The following LHCGR variants were observed in gnomAD, a reference collection of about 807,000 sequenced individuals.
The protein encoded by LHCGR is lutropin-choriogonadotropic hormone receptor.
A neutral mutation model predicts 60.7 loss-of-function variants in LHCGR; 55 were observed. That is an observed-to-expected ratio of 0.91 (90% CI 0.73 to 1.13). The LOEUF (loss-of-function observed/expected upper bound fraction) is 1.13. Ranked by LOEUF, LHCGR falls within the 50% of genes most tolerant of loss-of-function variation. LHCGR has a pLI of 0.00. For synonymous variants in LHCGR, 337 were observed against 316.5 expected (o/e 1.06, Z -0.69); for missense variants, 862 against 836.0 (o/e 1.03, Z -0.38).
At chr2:48,733,045 AAC>A (rs916211739) in intron 1 of LHCGR, 18 of 516,082 alleles carry the variant, frequency 3.5e-5, no homozygotes, top group Non-Finnish European at 6.4e-5. Flanking sequence ...CCTGATTAAA[AAC>A]ACAGTTTTAT....
At chr2:48,700,296 C>A (rs1410860886) in intron 8 of LHCGR, among the ~76,000 whole-genome samples, 1 of 152,124 alleles carries the variant, frequency 6.6e-6, no homozygotes, top group African/African-American at 2.4e-5. Context: ...AGGCAGTGAA[C>A]CTCTGATAGT....
In LHCGR at chr2:48,749,736, A is replaced by G. The variant is rs549924505; in HGVS notation, c.161+5775T>C. ...TTTTGAAATTAAAAAAAAAAAAAAA[A>G]AAGAAGAAAAACCCAAGGAATTACT... On this transcript the variant is annotated intron_variant, in intron 1 of 10. Transcript: ENST00000294954. Among the ~76,000 whole-genome samples the G allele has an allele frequency of 3.9e-4, 59 of 151,652 alleles. No homozygotes were observed. The East Asian group carries it at 5.6e-3, about 14-fold the overall frequency.
In LHCGR at chr2:48,688,115, G is replaced by A; in HGVS notation, c.1682C>T (p.Thr561Ile). The A allele has an allele frequency of 1.2e-6, 2 of 1,614,110 alleles. No homozygotes were observed. The highest frequency in any genetic ancestry group is 1.1e-5 in the South Asian group (1 of 91,082). The change falls in exon 11 of 11, where the codon ACC (threonine) becomes ATC (isoleucine). Residue 561 changes from threonine (T) to isoleucine (I), a missense_variant. Transcript: ENST00000294954. The surrounding 1 kb of genome is among the most constrained non-coding windows in gnomAD (Gnocchi z 5.2). ...CTTAGCAATCTTTGTATCTTTATTG[G>A]TAGCCATTAATTCTGGGTTTCGAAC... is the stretch of plus-strand genomic sequence containing the variant. ...FAVRNPELMA[T>I]NKDTKIAKKM...
chr2:48,690,352 T>C (rs1311705339), intron 10 of LHCGR, among the ~76,000 whole-genome samples: 1 of 152,232 alleles, frequency 6.6e-6, no homozygotes, highest in African/African-American at 2.4e-5. Context: ...TCGTACAGGC[T>C]GTGTAATCCC....
At chr2:48,711,043 A>G (rs1459281590) in intron 7 of LHCGR, among the ~76,000 whole-genome samples, 3 of 151,962 alleles carry the variant, frequency 2.0e-5, no homozygotes, top group East Asian at 1.9e-4. Flanking sequence ...CCTCCCCTCA[A>G]TTCCTGGGAC....
At position 48,713,940 on chromosome 2, in the gene LHCGR, A is replaced by G. The variant is rs140302213; in HGVS notation, c.605+46T>C. On this transcript the variant is annotated intron_variant, in intron 7 of 10. Coordinates refer to ENST00000294954, the MANE Select transcript of LHCGR (RefSeq NM_000233.4). ...TGAATGTGATCTTGTAGCCAGAGTAATATTTCATTTTTATTCCTGAGCTGG... is the reference window on the plus strand; with the variant it reads ...TGAATGTGATCTTGTAGCCAGAGTAGTATTTCATTTTTATTCCTGAGCTGG... 5.0e-3 allele frequency: 6,772 copies of G among 1,349,548 alleles called. 228 individuals carry two copies. The Admixed American group carries it at 0.062, about 12-fold the overall frequency. The allele number at this position is 1,349,548 out of a possible 1,614,324, so 83.6% of individuals were successfully genotyped here. A position where few individuals can be genotyped will look rare whatever the true frequency, so the allele number is the denominator to read the frequency against.
chr2:48,722,070 A>C (rs1668522211), intron 6 of LHCGR, among the ~76,000 whole-genome samples: 2 of 152,228 alleles, frequency 1.3e-5, no homozygotes. Context: ...GAATCACTTG[A>C]ACCCAGGAGG....
At position 48,755,654 on chromosome 2, in the gene LHCGR, C is replaced by T. The variant is rs928962662; in HGVS notation, c.18G>A (p.Ser6=). The change falls in exon 1 of 11, where the codon TCG becomes TCA. Residue 6 remains serine, a synonymous_variant. Transcript: ENST00000294954. ...GCAGCAGCTTCAGCAGCTGCAGCGCCGAGAACCGCTGCTTCATGGCCGGCG... is the reference window on the plus strand; with the variant it reads ...GCAGCAGCTTCAGCAGCTGCAGCGCTGAGAACCGCTGCTTCATGGCCGGCG... MKQRF[S]ALQLLKLLLL... 26 of 1,535,656 alleles carry T rather than the reference C, an allele frequency of 1.7e-5. No homozygotes were observed. In the African/African-American group the frequency reaches 2.1e-4, roughly 12 times the overall value.
chr2:48,745,769 C>T (rs1020854460), intron 1 of LHCGR, among the ~76,000 whole-genome samples: 17 of 151,122 alleles, frequency 1.1e-4, no homozygotes, highest in Non-Finnish European at 2.1e-4. Flanking sequence ...GTGGGTGCAG[C>T]GCACCAGCAT....
chr2:48,736,213 T>C (rs538399663), intron 1 of LHCGR, among the ~76,000 whole-genome samples: 26 of 152,304 alleles, frequency 1.7e-4, no homozygotes, highest in African/African-American at 5.8e-4. Flanking sequence ...CCAAGATTGC[T>C]ACCTCACCCA....
Position 48,709,026 on chromosome 2 carries a change from T to TG in LHCGR, c.606-5dup, listed in dbSNP as rs769748452. The TG allele has an allele frequency of 6.2e-7, 1 of 1,613,006 alleles. No individual in the cohort carries two copies. The highest frequency in any genetic ancestry group is 1.1e-5 in the South Asian group (1 of 91,058). On this transcript the variant is annotated splice_polypyrimidine_tract_variant and splice_region_variant and intron_variant, in intron 7 of 10. Coordinates refer to ENST00000294954, the MANE Select transcript of LHCGR (RefSeq NM_000233.4). ...ATGTACGTTTTCCTTTAGCTCCCTG[T>TG]GGGGAAGGATATTGCCCTTAGTGGA...
chr2:48,706,145 A>T (rs1667655854), intron 8 of LHCGR, among the ~76,000 whole-genome samples: 1 of 152,148 alleles, frequency 6.6e-6, no homozygotes, highest in Admixed American at 6.5e-5. Flanking sequence ...TTTCTCCTTC[A>T]CTTAAGAAGC....
chr2:48,726,667 G>A (rs1029765180), intron 3 of LHCGR, among the ~76,000 whole-genome samples: 9 of 152,210 alleles, frequency 5.9e-5, no homozygotes, highest in African/African-American at 2.2e-4. Flanking sequence ...AGAGAATGTA[G>A]TATATTGGTT....
intron 8 of LHCGR, among the ~76,000 whole-genome samples, chr2:48,703,199 A>G (rs1667495721): frequency 6.6e-6 from 1 of 152,224 alleles, no homozygotes; most frequent in Non-Finnish European, 1.5e-5. Context: ...ATAGATTACA[A>G]AAATTTTCTC....
At chr2:48,742,794 A>G (rs1481603899) in intron 1 of LHCGR, among the ~76,000 whole-genome samples, 2 of 152,086 alleles carry the variant, frequency 1.3e-5, no homozygotes, top group African/African-American at 2.4e-5. Flanking sequence ...TAGAAAAGCA[A>G]GAGCAAACAC....
chr2:48,687,837 T>C lies in LHCGR; in HGVS notation c.1960A>G (p.Lys654Glu), dbSNP rs1427360466. The C allele has an allele frequency of 1.9e-6, 3 of 1,614,168 alleles. No homozygotes were observed. The highest frequency in any genetic ancestry group is 2.5e-6 in the Non-Finnish European group (3 of 1,180,038). The part of the protein sequence containing the change: ...CKRRAELYRR[K>E]DFSAYTSNCK... ...TTGGAGGTGTAAGCTGAAAAATCTT[T>C]CCTTCTATAAAGTTCAGCCCGACGT... is the stretch of plus-strand genomic sequence containing the variant. The change falls in exon 11 of 11, where the codon AAA (lysine) becomes GAA (glutamate). Residue 654 changes from lysine (K) to glutamate (E), a missense_variant. Coordinates refer to ENST00000294954, the MANE Select transcript of LHCGR (RefSeq NM_000233.4).
chr2:48,696,059 A>G (rs1667102360), intron 9 of LHCGR, among the ~76,000 whole-genome samples: 1 of 152,196 alleles, frequency 6.6e-6, no homozygotes, highest in Admixed American at 6.5e-5. Flanking sequence ...TACAGAAAAA[A>G]AAAAACAGTG....
rs7561945 is a variant in LHCGR at position 48,731,508 on chromosome 2, C to T, written c.162-210G>A. ...CTTTATCAAAGAGTGTATAATTTTG[C>T]GGTTAAGACTGTGAACGTTGAGATT... On this transcript the variant is annotated intron_variant, in intron 1 of 10. Coordinates refer to ENST00000294954, the MANE Select transcript of LHCGR (RefSeq NM_000233.4). Among the ~76,000 whole-genome samples the T allele has an allele frequency of 0.2, 30,120 of 151,966 alleles. 4,897 individuals carry two copies. The highest frequency in any genetic ancestry group is 0.44 in the African/African-American group (18,011 of 41,404).
At chr2:48,740,163 A>G (rs1237251493) in intron 1 of LHCGR, among the ~76,000 whole-genome samples, 1 of 152,222 alleles carries the variant, frequency 6.6e-6, no homozygotes, top group African/African-American at 2.4e-5. Flanking sequence ...CGAGGAGATT[A>G]TATCCCGCAC....
Sources: allele counts gnomAD v4.1 joint callset (sites outside exome capture counted in the v4.1 genomes callset), GRCh38; gene constraint gnomAD v4.1.1; non-coding constraint Gnocchi (gnomAD v3.1); transcripts MANE v1.5; gene names NCBI Gene and HGNC (gene_info 2026-07-23, HGNC 2026-07-21).